Variants in CNTNAP2 observed in about 807,000 individuals in gnomAD.
CNTNAP2 encodes contactin-associated protein-like 2.
CNTNAP2 carries 98 observed loss-of-function variants against 155.2 expected under a neutral mutation model. The observed-to-expected ratio is 0.63, with a 90% confidence interval of 0.54 to 0.75. The LOEUF is 0.75. CNTNAP2 is among the 30% of genes least tolerant of loss of function. The pLI, the probability that CNTNAP2 is intolerant of heterozygous loss-of-function variation, is 0.00. For missense variants in CNTNAP2, 1,727 were observed against 1,688.1 expected, an observed-to-expected ratio of 1.02 and a Z score of -0.40; for synonymous variants, 651 against 631.2, an observed-to-expected ratio of 1.03 and a Z score of -0.47.
At chr7:146,708,376 T>G (rs1196287749) in intron 1 of CNTNAP2, among the ~76,000 whole-genome samples, 1 of 151,968 alleles carries the variant, frequency 6.6e-6, no homozygotes, top group Non-Finnish European at 1.5e-5. Context: ...AGAAATTTCT[T>G]TCTTTTTGTT....
At chr7:148,248,449 G>A (rs1007164362) in intron 20 of CNTNAP2, among the ~76,000 whole-genome samples, 3 of 151,846 alleles carry the variant, frequency 2.0e-5, no homozygotes, top group South Asian at 2.1e-4. Context: ...TGCCTGCCTC[G>A]GCCTTCCAAA....
Position 147,572,701 on chromosome 7 carries a change from A to AAC in CNTNAP2, c.1897+10476_1897+10477dup, listed in dbSNP as rs55950116. ...AATCAACTATTCAAACAGGATGGGA[A>AAC]ACACACACACACACACACACACACA... On this transcript the variant is annotated intron_variant, in intron 12 of 23. Transcript: ENST00000361727. Among the ~76,000 whole-genome samples the AAC allele has an allele frequency of 9.3e-3, 1,380 of 149,066 alleles. 14 individuals are homozygous for AAC. The highest frequency in any genetic ancestry group is 0.028 in the African/African-American group (1,155 of 40,584).
chr7:146,324,012 G>C (rs1350912586), intron 1 of CNTNAP2, among the ~76,000 whole-genome samples: 1 of 152,018 alleles, frequency 6.6e-6, no homozygotes, highest in Non-Finnish European at 1.5e-5. Context: ...CTCTTATAAG[G>C]ACTGTGCATT....
intron 13 of CNTNAP2, among the ~76,000 whole-genome samples, chr7:147,813,742 C>T (rs996062959): frequency 4.6e-5 from 7 of 152,182 alleles, no homozygotes; most frequent in Non-Finnish European, 7.4e-5. Flanking sequence ...TGCACATGCA[C>T]GCACGGAGGA....
At chr7:148,023,055 C>T (rs2116920989) in intron 15 of CNTNAP2, among the ~76,000 whole-genome samples, 1 of 152,252 alleles carries the variant, frequency 6.6e-6, no homozygotes, top group South Asian at 2.1e-4. Flanking sequence ...TCATCATTAT[C>T]ACACAGCACT....
intron 1 of CNTNAP2, among the ~76,000 whole-genome samples, chr7:146,173,796 CAG>C (rs1419168230): frequency 6.6e-6 from 1 of 152,166 alleles, no homozygotes; most frequent in Non-Finnish European, 1.5e-5. Context: ...TAGTTGAAAA[CAG>C]ATGATGAGAC....
At position 146,932,034 on chromosome 7, in the gene CNTNAP2, C is replaced by T. The variant is rs867738654; in HGVS notation, c.402+92130C>T. On this transcript the variant is annotated intron_variant, in intron 3 of 23. Coordinates refer to ENST00000361727, the MANE Select transcript of CNTNAP2 (RefSeq NM_014141.6). Reference sequence around the variant, plus strand: ...CAAGGAGGAACTGGTACCATTCCTTCTGAAACTATTCCAATCAATAGAAAA... The same window carrying T: ...CAAGGAGGAACTGGTACCATTCCTTTTGAAACTATTCCAATCAATAGAAAA... Among the ~76,000 whole-genome samples the T allele has an allele frequency of 7.1e-3, 1,073 of 150,556 alleles. 5 individuals are homozygous for T. Among genetic ancestry groups the T allele is most frequent in the Non-Finnish European group, 0.011 (739 of 67,088 alleles).
intron 1 of CNTNAP2, among the ~76,000 whole-genome samples, chr7:146,278,591 T>C (rs1265992242): frequency 3.3e-5 from 5 of 152,238 alleles, no homozygotes; most frequent in Non-Finnish European, 7.3e-5. Context: ...AACACTGTGC[T>C]AGCTTCTTAG....
intron 1 of CNTNAP2, among the ~76,000 whole-genome samples, chr7:146,419,661 A>G (rs1308952590): frequency 6.6e-6 from 1 of 152,180 alleles, no homozygotes; most frequent in Admixed American, 6.6e-5. Context: ...AAGATATGAA[A>G]AGGTGCTTAA....
chr7:147,646,939 A>G (rs1054277522), intron 13 of CNTNAP2, among the ~76,000 whole-genome samples: 3 of 151,444 alleles, frequency 2.0e-5, no homozygotes, highest in Non-Finnish European at 4.4e-5. Context: ...AAAGAAAAAT[A>G]CTAATTTTGT....
rs1562998286 is a variant in CNTNAP2 at position 147,562,255 on chromosome 7, C to T, written c.1895C>T (p.Thr632Ile). 1.9e-6 allele frequency: 3 copies of T among 1,613,844 alleles called. No homozygotes were observed. The highest frequency in any genetic ancestry group is 2.5e-6 in the Non-Finnish European group (3 of 1,179,862). Residue 632 changes from threonine to isoleucine, a missense_variant and splice_region_variant, in exon 12 of 24, where the codon ACA becomes ATA. Physicochemically the swap from Thr to Ile is moderately conservative, Grantham distance 89 (BLOSUM62 -1). Coordinates refer to ENST00000361727, the MANE Select transcript of CNTNAP2 (RefSeq NM_014141.6). ...LGPLKVYCNM[T>I]EDKVWTIVSH... ...CCTCTGAAAGTTTACTGCAACATGA[C>T]AGGTAACTGTGTCATATTTATGTTT...
intron 4 of CNTNAP2, among the ~76,000 whole-genome samples, chr7:147,050,057 A>G (rs1485629900): frequency 1.3e-5 from 2 of 152,302 alleles, no homozygotes; most frequent in East Asian, 3.9e-4. Flanking sequence ...AACTCATTTG[A>G]AATCATTCTG....
intron 13 of CNTNAP2, among the ~76,000 whole-genome samples, chr7:147,876,687 G>A (rs1055346216): frequency 6.6e-6 from 1 of 151,934 alleles, no homozygotes; most frequent in African/African-American, 2.4e-5. Context: ...GCTCTGTTTG[G>A]TCAATCTCTG....
chr7:146,270,621 A>G (rs1800066631), intron 1 of CNTNAP2, among the ~76,000 whole-genome samples: 1 of 152,204 alleles, frequency 6.6e-6, no homozygotes, highest in African/African-American at 2.4e-5. Flanking sequence ...ATCATTTTTT[A>G]CATAAATATT....
At chr7:148,232,279 C>T (rs1406107261) in intron 20 of CNTNAP2, among the ~76,000 whole-genome samples, 1 of 152,214 alleles carries the variant, frequency 6.6e-6, no homozygotes, top group Non-Finnish European at 1.5e-5. Context: ...TTCTTTCATG[C>T]AGGGAGGCCT....
intron 4 of CNTNAP2, among the ~76,000 whole-genome samples, chr7:147,107,289 G>A (rs1184620087): frequency 6.6e-6 from 1 of 152,036 alleles, no homozygotes; most frequent in African/African-American, 2.4e-5. Flanking sequence ...TTTCTGGTGT[G>A]AAATAAATAG....
At chr7:148,160,832 T>C (rs1805519137) in intron 17 of CNTNAP2, among the ~76,000 whole-genome samples, 1 of 152,198 alleles carries the variant, frequency 6.6e-6, no homozygotes, top group African/African-American at 2.4e-5. Context: ...CTAATATTGT[T>C]TGTTCTGGAA....
chr7:146,596,393 A>G (rs1798858623), intron 1 of CNTNAP2, among the ~76,000 whole-genome samples: 1 of 152,042 alleles, frequency 6.6e-6, no homozygotes, highest in Non-Finnish European at 1.5e-5. Flanking sequence ...AGGAAACAGT[A>G]ATAGGAGAAG....
intron 16 of CNTNAP2, among the ~76,000 whole-genome samples, chr7:148,144,985 G>C (rs1805148759): frequency 6.6e-6 from 1 of 152,170 alleles, no homozygotes; most frequent in Non-Finnish European, 1.5e-5. Context: ...CTGACTGGGG[G>C]ATGGGATTTC....
Sources: allele counts gnomAD v4.1 joint callset (sites outside exome capture counted in the v4.1 genomes callset), GRCh38; gene constraint gnomAD v4.1.1; transcripts MANE v1.5; gene names NCBI Gene and HGNC (gene_info 2026-07-23, HGNC 2026-07-21).